H1-8: variants seen among roughly 807,000 people sequenced by gnomAD.
H1-8 encodes the protein H1.8 linker histone.
H1-8 carries 13 observed loss-of-function variants against 19.5 expected under a neutral mutation model. That is an observed-to-expected ratio of 0.67 (90% CI 0.43 to 1.06). H1-8 has a LOEUF of 1.06. Among genes scored for constraint, H1-8 ranks in the 50% least tolerant of loss-of-function variants. The pLI is 0.00. For synonymous variants in H1-8, 193 were observed against 187.6 expected (o/e 1.03, Z -0.24); for missense variants, 432 against 459.8 (o/e 0.94, Z 0.55).
In H1-8 at chr3:129,550,769, C is replaced by T; in HGVS notation, c.767C>T (p.Thr256Ile). 6.2e-7 allele frequency: 1 copy of T among 1,614,098 alleles called. No homozygotes were observed. Among genetic ancestry groups the T allele is most frequent in the Non-Finnish European group, 8.5e-7 (1 of 1,179,986 alleles). Reference sequence around the variant, plus strand: ...GGAGATGCTGAGGCCTACAGGAAAACCAAAGCTGAGAGTAAGAGTTCAAAA... The same window carrying T: ...GGAGATGCTGAGGCCTACAGGAAAATCAAAGCTGAGAGTAAGAGTTCAAAA... ...SQGDAEAYRK[T>I]KAESKSSKPT... The change falls in exon 4 of 5, where the codon ACC becomes ATC. Residue 256 changes from threonine to isoleucine, a missense_variant. Thr to Ile is a moderately conservative substitution (Grantham distance 89, BLOSUM62 -1). Coordinates refer to ENST00000324382, the MANE Select transcript of H1-8 (RefSeq NM_153833.3).
chr3:129,544,111 G>A (rs774967820), intron 1 of H1-8, among the ~76,000 whole-genome samples: 5 of 152,174 alleles, frequency 3.3e-5, no homozygotes, highest in Non-Finnish European at 7.3e-5. Context: ...CTGCATGACC[G>A]GGAGGAGAGA....
chr3:129,551,016 A>T, intron 4 of H1-8, 91 bp from the exon 5 acceptor site: 1 of 1,194,766 alleles, frequency 8.4e-7, no homozygotes, highest in Non-Finnish European at 1.2e-6. Flanking sequence ...ACTAAGGCTT[A>T]GAAGGGCGAT....
intron 1 of H1-8, among the ~76,000 whole-genome samples, chr3:129,544,991 T>C (rs1352191063): frequency 6.6e-6 from 1 of 151,912 alleles, no homozygotes; most frequent in East Asian, 1.9e-4. Flanking sequence ...TTAGGTCTCT[T>C]TATAATTTTG....
intron 2 of H1-8, among the ~76,000 whole-genome samples, chr3:129,547,983 C>A (rs1310386211): frequency 1.3e-5 from 2 of 152,208 alleles, no homozygotes; most frequent in Non-Finnish European, 2.9e-5. Flanking sequence ...CCTGGAATTC[C>A]TCACCACAGC....
chr3:129,550,627 A>G, intron 3 of H1-8, 118 bp from the exon 4 acceptor site: 1 of 783,586 alleles, frequency 1.3e-6, no homozygotes, highest in East Asian at 2.6e-5. Context: ...CCCATGTCAC[A>G]TAACTGAGTG....
At chr3:129,549,828 C>T (rs2084920950) in intron 3 of H1-8, among the ~76,000 whole-genome samples, 1 of 152,194 alleles carries the variant, frequency 6.6e-6, no homozygotes, top group African/African-American at 2.4e-5. Context: ...GTGGTGTACA[C>T]CTATAATCCC....
intron 2 of H1-8, chr3:129,548,480 G>A: frequency 1.0e-6 from 1 of 988,042 alleles, no homozygotes. Flanking sequence ...GGTGAAGGTA[G>A]TTTCTAGTCT....
chr3:129,544,904 C>A (rs554745372), intron 1 of H1-8, among the ~76,000 whole-genome samples: 1 of 152,078 alleles, frequency 6.6e-6, no homozygotes, highest in African/African-American at 2.4e-5. Flanking sequence ...ACTACACCAG[C>A]TCAACGCCTT....
At position 129,551,427 on chromosome 3, in the gene H1-8, G is replaced by A. The variant is rs936631876; in HGVS notation, c.*87G>A. 2.4e-6 allele frequency: 2 copies of A among 828,936 alleles called. No homozygotes were observed. Among genetic ancestry groups the A allele is most frequent in the East Asian group, 2.7e-5 (1 of 37,412 alleles). 51.3% of individuals were successfully genotyped at this position (828,936 alleles called of 1,614,324 possible). A position where few individuals can be genotyped will look rare whatever the true frequency, so the allele number is the denominator to read the frequency against. On this transcript the variant is annotated 3_prime_UTR_variant, in exon 5 of 5. Coordinates refer to ENST00000324382, the MANE Select transcript of H1-8 (RefSeq NM_153833.3). ...CACTGCTCTATTTATTTCATTGTAA[G>A]CTATTTATCAATAAAGACTTTTGTT...
rs781776186 is a variant in H1-8, at chr3:129,549,152, C to T, written c.530C>T (p.Ala177Val). ...AACGTGGGCAAGGTGAAAAAGGCAG[C>T]CAAGAGGCCAGCAAAGGTGCAGAAG... ...PPNVGKVKKA[A>V]KRPAKVQKPP... Residue 177 changes from alanine (A) to valine (V), a missense_variant, in exon 3 of 5, where the codon GCC becomes GTC. Ala to Val is a moderately conservative substitution (Grantham distance 64, BLOSUM62 0). Coordinates refer to ENST00000324382, the MANE Select transcript of H1-8 (RefSeq NM_153833.3). The T allele has an allele frequency of 1.3e-6, 2 of 1,567,872 alleles. No homozygotes were observed. Among genetic ancestry groups the T allele is most frequent in the Admixed American group, 1.9e-5 (1 of 52,346 alleles).
At chr3:129,550,956 G>T in intron 4 of H1-8, 147 bp downstream of exon 4, 5 of 947,682 alleles carry the variant, frequency 5.3e-6, no homozygotes, top group Non-Finnish European at 8.0e-6. Flanking sequence ...CCTTCTCTCT[G>T]GTCCCCTGGC....
At position 129,543,290 on chromosome 3, in the gene H1-8, T is replaced by A. The variant is rs1466083110; in HGVS notation, c.72T>A (p.Pro24=). Reference sequence around the variant, plus strand: ...CCACAGCAGGATCATCCAGGTCTCCTGAATCTGAAAAGCCAGGTGAGCAAG... The same window carrying A: ...CCACAGCAGGATCATCCAGGTCTCCAGAATCTGAAAAGCCAGGTGAGCAAG... The part of the protein sequence containing the change: ...STSTAGSSRS[P]ESEKPGPSHG... The change falls in exon 1 of 5, where the codon CCT becomes CCA. Residue 24 remains proline (P), a synonymous_variant. Transcript: ENST00000324382. 6.2e-7 allele frequency: 1 copy of A among 1,613,108 alleles called. No homozygotes were observed. The highest frequency in any genetic ancestry group is 8.5e-7 in the Non-Finnish European group (1 of 1,179,554).
intron 1 of H1-8, among the ~76,000 whole-genome samples, chr3:129,544,454 G>A (rs56393685): frequency 0.11 from 16,141 of 151,706 alleles, 1,307 homozygotes; most frequent in African/African-American, 0.23. Flanking sequence ...GGGAGGCCTC[G>A]AGTGGGTGTG....
At chr3:129,545,434 A>G (rs1384559013) in intron 1 of H1-8, among the ~76,000 whole-genome samples, 3 of 152,162 alleles carry the variant, frequency 2.0e-5, no homozygotes, top group African/African-American at 4.8e-5. Flanking sequence ...CAACTATTTT[A>G]TAACACCTTA....
At position 129,546,331 on chromosome 3, in the gene H1-8, C is replaced by T. The variant is rs200061574; in HGVS notation, c.89-1060C>T. Among the ~76,000 whole-genome samples, 5 of 151,812 alleles carry T rather than the reference C, an allele frequency of 3.3e-5. No individual in the cohort carries two copies. The East Asian group carries it at 9.7e-4, about 29-fold the overall frequency. ...AGATTGAGACCCTGTCTCCATAAAA[C>T]AAAACAAAAAACTTTCAAATGGATA... On this transcript the variant is annotated intron_variant, in intron 1 of 4. Coordinates refer to ENST00000324382, the MANE Select transcript of H1-8 (RefSeq NM_153833.3).
intron 4 of H1-8, 119 bp from the exon 5 acceptor site, chr3:129,550,988 C>T: frequency 2.0e-6 from 2 of 1,018,448 alleles, no homozygotes; most frequent in South Asian, 3.1e-5. Flanking sequence ...GTTGCCATCC[C>T]CATCTTACAG....
chr3:129,548,934 T>C, intron 2 of H1-8, 67 bp from the exon 3 acceptor site: 1 of 1,529,828 alleles, frequency 6.5e-7, no homozygotes, highest in Non-Finnish European at 8.8e-7. Flanking sequence ...TTCGGAGTCT[T>C]ACGGGGGGTG....
At chr3:129,548,212 G>T (rs1232332447) in intron 2 of H1-8, 2 of 436,782 alleles carry the variant, frequency 4.6e-6, no homozygotes, top group African/African-American at 4.3e-5. Context: ...GTCATTGCTG[G>T]GTCCCCTGCA....
In H1-8 at chr3:129,547,622, G is replaced by A. The variant is rs777818723; in HGVS notation, c.320G>A (p.Arg107His). ...CAGGCGCTGGCCACTGGCATGCGCC[G>A]TGGCCTCCTCGCCAGGCCCCTCAAC... ...LKQALATGMR[R>H]GLLARPLNSK... Residue 107 changes from arginine to histidine, a missense_variant, in exon 2 of 5, where the codon CGT becomes CAT. Arg to His is a conservative substitution (Grantham distance 29). Transcript: ENST00000324382. 24 of 1,549,910 alleles carry A rather than the reference G, an allele frequency of 1.5e-5. No homozygotes were observed. The highest frequency in any genetic ancestry group is 4.8e-5 in the South Asian group (4 of 84,208).
Sources: allele counts gnomAD v4.1 joint callset (sites outside exome capture counted in the v4.1 genomes callset), GRCh38; gene constraint gnomAD v4.1.1; transcripts MANE v1.5; gene names NCBI Gene and HGNC (gene_info 2026-07-23, HGNC 2026-07-21).